PSMF1: variants seen among roughly 807,000 people sequenced by gnomAD.
The protein encoded by PSMF1 is proteasome inhibitor subunit 1.
A neutral mutation model predicts 29.3 loss-of-function variants in PSMF1; 30 were observed. The ratio of observed to expected loss-of-function variants is 1.02; its 90% confidence interval spans 0.77 to 1.39. The LOEUF (loss-of-function observed/expected upper bound fraction) is 1.39, where lower values mean the gene tolerates loss of function less well. Among genes scored for constraint, PSMF1 ranks in the 40% most tolerant of loss-of-function variants. The probability of loss-of-function intolerance (pLI) is 0.00; values close to 1 mark genes in which losing one functional copy is unlikely to be tolerated. For synonymous variants in PSMF1, 134 were observed against 139.7 expected, an observed-to-expected ratio of 0.96 and a Z score of 0.29; for missense variants, 344 against 357.5, an observed-to-expected ratio of 0.96 and a Z score of 0.31.
chr20:1,127,767 C>T (rs566957253), intron 3 of PSMF1, among the ~76,000 whole-genome samples: 16 of 152,188 alleles, frequency 1.1e-4, no homozygotes, highest in African/African-American at 3.4e-4. Flanking sequence ...AGGTGGAGCC[C>T]GGGCAACTCA....
In PSMF1 at chr20:1,120,553, C is replaced by T. The variant is rs116373756; in HGVS notation, c.129+1651C>T. ...AGTTCCCCTAACAGAAATCTTGTCT[C>T]CCCACTTGTCTTACTCCAGCTTTTT... On this transcript the variant is annotated intron_variant, in intron 1 of 6. Transcript: ENST00000335877. 4.4e-3 allele frequency among the ~76,000 whole-genome samples: 663 copies of T among 152,322 alleles called. 2 individuals carry two copies. Among genetic ancestry groups the T allele is most frequent in the African/African-American group, 0.015 (634 of 41,560 alleles).
At chr20:1,122,802 T>C (rs973168358) in intron 1 of PSMF1, among the ~76,000 whole-genome samples, 3 of 152,216 alleles carry the variant, frequency 2.0e-5, no homozygotes, top group Non-Finnish European at 4.4e-5. Flanking sequence ...GAGATATCAG[T>C]TTCACCTGAC....
rs1055971167 is a variant in PSMF1 at position 1,169,843 on chromosome 20, C to T, written c.*4763C>T. Among the ~76,000 whole-genome samples the T allele has an allele frequency of 6.6e-6, 1 of 152,174 alleles. No homozygotes were observed. The highest frequency in any genetic ancestry group is 2.4e-5 in the African/African-American group (1 of 41,452). On this transcript the variant is annotated 3_prime_UTR_variant, in exon 7 of 7. Coordinates refer to ENST00000335877, the MANE Select transcript of PSMF1 (RefSeq NM_006814.5). ...AATATTGGGGAGATGTCTTTATTCCCTCTTCCCACCTTTCCTGGAAGGTGC... is the reference window on the plus strand; with the variant it reads ...AATATTGGGGAGATGTCTTTATTCCTTCTTCCCACCTTTCCTGGAAGGTGC...
chr20:1,137,434 T>A (rs2086321373), intron 4 of PSMF1, among the ~76,000 whole-genome samples: 1 of 152,152 alleles, frequency 6.6e-6, no homozygotes, highest in Non-Finnish European at 1.5e-5. Context: ...CCAGATACTG[T>A]TTTCTAATAT....
intron 4 of PSMF1, among the ~76,000 whole-genome samples, chr20:1,139,122 G>A (rs926138167): frequency 7.9e-5 from 12 of 152,124 alleles, no homozygotes; most frequent in Admixed American, 5.2e-4. Flanking sequence ...GCAGTGAGCC[G>A]AGATCACGCC....
chr20:1,117,406 T>C (rs998027715), upstream of PSMF1, among the ~76,000 whole-genome samples: 1 of 151,934 alleles, frequency 6.6e-6, no homozygotes, highest in Non-Finnish European at 1.5e-5. Flanking sequence ...GGTGCGATCT[T>C]GGCTCACTGC....
intron 4 of PSMF1, among the ~76,000 whole-genome samples, chr20:1,136,656 T>A (rs1448895919): frequency 6.6e-6 from 1 of 152,196 alleles, no homozygotes; most frequent in African/African-American, 2.4e-5. Context: ...CATGCGTAGG[T>A]GCCTGAGTAC....
chr20:1,120,429 C>T (rs1244198778), intron 1 of PSMF1, among the ~76,000 whole-genome samples: 1 of 152,214 alleles, frequency 6.6e-6, no homozygotes, highest in African/African-American at 2.4e-5. Flanking sequence ...TGCTGCTCTT[C>T]ATTCCACATA....
At chr20:1,114,056 G>A (rs1397302164), upstream of PSMF1, among the ~76,000 whole-genome samples, 2 of 152,148 alleles carry the variant, frequency 1.3e-5, no homozygotes, top group East Asian at 1.9e-4. Flanking sequence ...AGAGCAGATC[G>A]CACTACAACA....
At chr20:1,121,537 G>A (rs1242362999) in intron 1 of PSMF1, among the ~76,000 whole-genome samples, 1 of 152,092 alleles carries the variant, frequency 6.6e-6, no homozygotes, top group African/African-American at 2.4e-5. Flanking sequence ...TAATTTTTCA[G>A]CCTGGGGCCA....
chr20:1,169,319 A>G lies in PSMF1; in HGVS notation c.*4239A>G, dbSNP rs1284749181. On this transcript the variant is annotated 3_prime_UTR_variant, in exon 7 of 7. Coordinates refer to ENST00000335877, the MANE Select transcript of PSMF1 (RefSeq NM_006814.5). Reference sequence around the variant, plus strand: ...CTGACTGAGGACAGACCCAGCAACAATGACAGGAGGTTTGAACACCTCACG... The same window carrying G: ...CTGACTGAGGACAGACCCAGCAACAGTGACAGGAGGTTTGAACACCTCACG... Among the ~76,000 whole-genome samples the G allele has an allele frequency of 3.9e-5, 6 of 152,170 alleles. No individual in the cohort carries two copies. Among genetic ancestry groups the G allele is most frequent in the Admixed American group, 6.5e-5 (1 of 15,286 alleles).
At chr20:1,135,946 C>T (rs1302298741) in intron 4 of PSMF1, among the ~76,000 whole-genome samples, 3 of 152,150 alleles carry the variant, frequency 2.0e-5, no homozygotes, top group Non-Finnish European at 4.4e-5. Flanking sequence ...AGTTTGGAGC[C>T]CGTACTGTGA....
chr20:1,138,864 TA>T (rs371495539), intron 4 of PSMF1, among the ~76,000 whole-genome samples: 1 of 147,916 alleles, frequency 6.8e-6, no homozygotes, highest in East Asian at 2.0e-4. Context: ...CAAAAGCAAA[TA>T]AAAAAACAAC....
At chr20:1,126,578 A>G (rs1315778000) in intron 2 of PSMF1, among the ~76,000 whole-genome samples, 1 of 152,152 alleles carries the variant, frequency 6.6e-6, no homozygotes, top group Non-Finnish European at 1.5e-5. Context: ...AGGGTTTATT[A>G]AAAGAACCAG....
intron 3 of PSMF1, among the ~76,000 whole-genome samples, chr20:1,131,903 T>TGG (rs1044689024): frequency 5.9e-5 from 9 of 152,126 alleles, no homozygotes; most frequent in African/African-American, 2.2e-4. Context: ...ATCAGAGGCC[T>TGG]CCCTCTGATC....
intron 4 of PSMF1, among the ~76,000 whole-genome samples, chr20:1,146,181 T>C (rs981468823): frequency 5.9e-5 from 9 of 152,184 alleles, no homozygotes; most frequent in African/African-American, 2.2e-4. Context: ...ATGAGTATCC[T>C]GGGAAAGGCT....
intron 4 of PSMF1, among the ~76,000 whole-genome samples, chr20:1,147,179 C>T (rs6040141): frequency 0.2 from 24,916 of 125,862 alleles, 2,133 homozygotes; most frequent in African/African-American, 0.25. Flanking sequence ...ATCATCATCA[C>T]CACCCTGTGT....
chr20:1,164,956 G>T lies in PSMF1; in HGVS notation c.765-73G>T. 7.6e-7 allele frequency: 1 copy of T among 1,316,884 alleles called. No homozygotes were observed. Among genetic ancestry groups the T allele is most frequent in the Non-Finnish European group, 1.1e-6 (1 of 910,144 alleles). 81.6% of individuals were successfully genotyped at this position (1,316,884 alleles called of 1,614,324 possible). ...ATGTTGAAGGGCAGGCTCCCTCAGT[G>T]CAGGGTCATGTCTGCCCATGTTCCC... On this transcript the variant is annotated intron_variant, in intron 6 of 6. Transcript: ENST00000335877. The surrounding 1 kb of genome is among the most constrained non-coding windows in gnomAD (Gnocchi z 4.1).
At position 1,169,270 on chromosome 20, in the gene PSMF1, G is replaced by A. The variant is rs1428526669; in HGVS notation, c.*4190G>A. On this transcript the variant is annotated 3_prime_UTR_variant, in exon 7 of 7. Coordinates refer to ENST00000335877, the MANE Select transcript of PSMF1 (RefSeq NM_006814.5). The stretch of plus-strand genomic sequence containing the variant: ...GCAAGGGTGGCAGGTAGGATGGTAG[G>A]CAGTGAGGGGTGGCAAGGCCTAGCT... Among the ~76,000 whole-genome samples the A allele has an allele frequency of 6.6e-6, 1 of 152,212 alleles. No individual in the cohort carries two copies.
Sources: gnomAD v4.1 joint callset for allele counts (sites outside exome capture counted in the v4.1 genomes callset) on GRCh38, gnomAD v4.1.1 for gene constraint, Gnocchi (gnomAD v3.1) non-coding constraint, MANE v1.5 for transcripts, NCBI Gene and HGNC (gene_info 2026-07-23, HGNC 2026-07-21) for gene names.